ANO2: variants seen among roughly 807,000 people sequenced by gnomAD.
ANO2 encodes anoctamin 2.
In ANO2, 101 loss-of-function variants were observed where a neutral mutation model predicts 124.2. The observed-to-expected ratio is 0.81, with a 90% CI of 0.69 to 0.96. The LOEUF (loss-of-function observed/expected upper bound fraction) is 0.96. Among genes scored for constraint, ANO2 ranks in the 40% least tolerant of loss-of-function variants. The probability of loss-of-function intolerance (pLI) is 0.00; values close to 1 mark genes in which losing one functional copy is unlikely to be tolerated. For synonymous variants in ANO2, 486 were observed against 482.5 expected, an observed-to-expected ratio of 1.01 and a Z score of -0.09; for missense variants, 1,293 against 1,274.5, an observed-to-expected ratio of 1.01 and a Z score of -0.22.
chr12:5,788,122 C>T (rs7967079), intron 10 of ANO2, among the ~76,000 whole-genome samples: 39,907 of 152,108 alleles, frequency 0.26, 5,478 homozygotes, highest in African/African-American at 0.32. Flanking sequence ...TGCTGAGTCT[C>T]TGTGAGCAGA....
chr12:5,942,810 G>A (rs1942946709), intron 1 of ANO2, among the ~76,000 whole-genome samples: 1 of 152,196 alleles, frequency 6.6e-6, no homozygotes, highest in Non-Finnish European at 1.5e-5. Flanking sequence ...ATGGAGAATA[G>A]ACGTTTCTCA....
intron 14 of ANO2, among the ~76,000 whole-genome samples, chr12:5,708,039 A>G (rs933168948): frequency 1.3e-5 from 2 of 152,174 alleles, no homozygotes; most frequent in African/African-American, 4.8e-5. Context: ...AATTGAACTC[A>G]TTATCTTTCC....
intron 10 of ANO2, among the ~76,000 whole-genome samples, chr12:5,761,096 C>A (rs1951731791): frequency 6.7e-6 from 1 of 149,954 alleles, no homozygotes; most frequent in African/African-American, 2.4e-5. Context: ...GACTGTCCTA[C>A]ACTTAAAGAG....
chr12:5,914,219 A>C (rs1941244828), intron 3 of ANO2, among the ~76,000 whole-genome samples: 1 of 151,712 alleles, frequency 6.6e-6, no homozygotes. Context: ...AAAAAGAAAA[A>C]AGAAAGTGAG....
At chr12:5,878,311 C>T (rs113445398) in intron 3 of ANO2, among the ~76,000 whole-genome samples, 4,095 of 152,292 alleles carry the variant, frequency 0.027, 82 homozygotes, top group Non-Finnish European at 0.041. Flanking sequence ...GTTGACTCAT[C>T]TGGTGAGGAT....
intron 16 of ANO2, among the ~76,000 whole-genome samples, chr12:5,626,821 G>A (rs1031934695): frequency 1.3e-5 from 2 of 152,162 alleles, no homozygotes; most frequent in African/African-American, 4.8e-5. Flanking sequence ...AGAAGCAGAG[G>A]AAAACACCCC....
chr12:5,919,139 T>C (rs1349195704), intron 3 of ANO2, among the ~76,000 whole-genome samples: 3 of 152,020 alleles, frequency 2.0e-5, no homozygotes, highest in Non-Finnish European at 4.4e-5. Context: ...CTGAGTGTGA[T>C]GAAGAAAAGT....
chr12:5,727,635 C>CT (rs34307471), intron 14 of ANO2, among the ~76,000 whole-genome samples: 12,187 of 64,172 alleles, frequency 0.19, 897 homozygotes, highest in East Asian at 0.44. Context: ...TCACCACTTC[C>CT]TTTTTTTTTT....
intron 3 of ANO2, among the ~76,000 whole-genome samples, chr12:5,896,216 A>G (rs984960178): frequency 6.6e-6 from 1 of 152,132 alleles, no homozygotes; most frequent in Admixed American, 6.6e-5. Flanking sequence ...AATAACCACT[A>G]AAGAACTTAT....
intron 14 of ANO2, among the ~76,000 whole-genome samples, chr12:5,661,700 G>A (rs1947452496): frequency 6.6e-6 from 1 of 152,162 alleles, no homozygotes; most frequent in Non-Finnish European, 1.5e-5. Flanking sequence ...ATCACATGGG[G>A]GGCTTTTAAA....
chr12:5,686,643 C>T (rs1169190777), intron 14 of ANO2, among the ~76,000 whole-genome samples: 1 of 152,212 alleles, frequency 6.6e-6, no homozygotes, highest in Non-Finnish European at 1.5e-5. Context: ...ACTCTAGAGG[C>T]CACCATCCCC....
At chr12:5,943,973 C>T (rs1942996014) in intron 1 of ANO2, among the ~76,000 whole-genome samples, 1 of 152,214 alleles carries the variant, frequency 6.6e-6, no homozygotes, top group South Asian at 2.1e-4. Flanking sequence ...TTGGATCCCA[C>T]CCTTACCCCT....
intron 4 of ANO2, among the ~76,000 whole-genome samples, chr12:5,846,928 C>A (rs1175198533): frequency 3.9e-5 from 6 of 152,252 alleles, no homozygotes; most frequent in Non-Finnish European, 5.9e-5. Context: ...TTTTTGAATG[C>A]CACTATTCAT....
chr12:5,834,337 A>G (rs1325584183), intron 4 of ANO2, among the ~76,000 whole-genome samples: 1 of 152,218 alleles, frequency 6.6e-6, no homozygotes, highest in Non-Finnish European at 1.5e-5. Flanking sequence ...CGTTACTTCA[A>G]TGCAGAGGGG....
At chr12:5,651,202 T>C (rs572887111) in intron 14 of ANO2, among the ~76,000 whole-genome samples, 1 of 152,348 alleles carries the variant, frequency 6.6e-6, no homozygotes, top group South Asian at 2.1e-4. Flanking sequence ...CTCAGCTCTT[T>C]GTGTCTATGT....
chr12:5,837,370 G>A (rs1173398187), intron 4 of ANO2, among the ~76,000 whole-genome samples: 1 of 121,790 alleles, frequency 8.2e-6, no homozygotes, highest in Non-Finnish European at 1.6e-5. Context: ...GGGTACATGT[G>A]CACATTGTGC....
At chr12:5,696,780 G>A (rs914538265) in intron 14 of ANO2, among the ~76,000 whole-genome samples, 5 of 152,206 alleles carry the variant, frequency 3.3e-5, no homozygotes, top group African/African-American at 1.2e-4. Context: ...TAACGACCAA[G>A]TTGGCTTCTG....
chr12:5,740,121 C>T (rs1951038417), intron 12 of ANO2: 2 of 388,796 alleles, frequency 5.1e-6, no homozygotes, highest in Non-Finnish European at 1.0e-5. Flanking sequence ...CCTGATACCC[C>T]CACGAGCACA....
In ANO2 at chr12:5,769,683, G is replaced by A. The variant is rs1278883564; in HGVS notation, c.1056-18713C>T. On this transcript the variant is annotated intron_variant, in intron 10 of 24. Coordinates refer to ENST00000682330, the MANE Select transcript of ANO2 (RefSeq NM_001364791.2). This position sits in a 1 kb window ranked among gnomAD's most constrained non-coding sequence, Gnocchi z 4.0. The stretch of plus-strand genomic sequence containing the variant: ...AGCCACACCTCCCCATCCAGAAGGA[G>A]AGGAAGATCTCAGAGTAAAATAAAA... Among the ~76,000 whole-genome samples the A allele has an allele frequency of 2.6e-5, 4 of 152,200 alleles. No individual in the cohort carries two copies. The highest frequency in any genetic ancestry group is 9.7e-5 in the African/African-American group (4 of 41,448).
Sources: allele counts gnomAD v4.1 joint callset (sites outside exome capture counted in the v4.1 genomes callset), GRCh38; gene constraint gnomAD v4.1.1; non-coding constraint Gnocchi (gnomAD v3.1); transcripts MANE v1.5; gene names NCBI Gene and HGNC (gene_info 2026-07-23, HGNC 2026-07-21).